CMIP: variants seen among roughly 807,000 people sequenced by gnomAD.
CMIP encodes the protein c-Maf inducing protein, also known as C-Maf-inducing protein.
In CMIP, 13 loss-of-function variants were observed where a neutral mutation model predicts 97.3. The observed-to-expected ratio is 0.13, with a 90% CI of 0.09 to 0.21. The LOEUF is 0.21. Ranked by LOEUF, CMIP falls within the 10% of genes least tolerant of loss-of-function variation. CMIP has a pLI of 1.00. For missense variants in CMIP, 847 were observed against 1,024.9 expected, an observed-to-expected ratio of 0.83 and a Z score of 2.37; for synonymous variants, 538 against 436.3, an observed-to-expected ratio of 1.23 and a Z score of -2.91.
chr16:81,567,800 G>A (rs1043855400), intron 1 of CMIP, among the ~76,000 whole-genome samples: 8 of 152,158 alleles, frequency 5.3e-5, no homozygotes, highest in African/African-American at 1.4e-4. Context: ...TCCCCGAAGC[G>A]CAGAGATTCT....
chr16:81,702,806 A>T (rs1229353998), intron 17 of CMIP, 137 bp downstream of exon 17: 1 of 727,158 alleles, frequency 1.4e-6, no homozygotes, highest in Non-Finnish European at 2.4e-6. Flanking sequence ...AGTACTTAAC[A>T]CGCCAGCTCT....
chr16:81,603,526 A>T (rs2091692565), intron 1 of CMIP: 1 of 445,072 alleles, frequency 2.2e-6, no homozygotes, highest in Non-Finnish European at 4.5e-6. Context: ...GTTTGTCACA[A>T]CTTGTGAACC....
chr16:81,537,546 CAAA>C (rs397695977), intron 1 of CMIP, among the ~76,000 whole-genome samples: 257 of 82,074 alleles, frequency 3.1e-3, no homozygotes, highest in Middle Eastern at 0.011. Flanking sequence ...AAAAAAAAGA[CAAA>C]AAAAAAAAAA....
chr16:81,663,580 A>C (rs2092570795), intron 6 of CMIP, among the ~76,000 whole-genome samples: 1 of 152,216 alleles, frequency 6.6e-6, no homozygotes, highest in South Asian at 2.1e-4. Flanking sequence ...ATTTGTCTAA[A>C]CACCCAGAGC....
intron 1 of CMIP, among the ~76,000 whole-genome samples, chr16:81,451,492 T>G (rs1158037297): frequency 6.6e-6 from 1 of 152,266 alleles, no homozygotes; most frequent in South Asian, 2.1e-4. Context: ...AAAGAAAACA[T>G]TTTCTATTTT....
At chr16:81,678,207 T>C in intron 9 of CMIP, 68 bp from the exon 10 acceptor site, 1 of 1,237,820 alleles carries the variant, frequency 8.1e-7, no homozygotes, top group Non-Finnish European at 1.1e-6. Context: ...AGGCCTTTAG[T>C]CTGATGGGTC....
intron 15 of CMIP, among the ~76,000 whole-genome samples, chr16:81,700,163 A>G (rs1361954080): frequency 6.6e-6 from 1 of 152,168 alleles, no homozygotes; most frequent in African/African-American, 2.4e-5. Context: ...CTGGGGCCTC[A>G]TCAGTCAGAT....
chr16:81,579,236 G>A (rs2091254867), intron 1 of CMIP, among the ~76,000 whole-genome samples: 1 of 152,170 alleles, frequency 6.6e-6, no homozygotes, highest in Non-Finnish European at 1.5e-5. Context: ...AAGGGTGGTG[G>A]CGGTCCTTGC....
intron 9 of CMIP, among the ~76,000 whole-genome samples, chr16:81,677,552 A>G (rs1479975274): frequency 1.3e-5 from 2 of 152,200 alleles, no homozygotes; most frequent in African/African-American, 4.8e-5. Context: ...AACCAGGTCA[A>G]GGCTCTGACA....
At chr16:81,507,771 C>T (rs927694670) in intron 1 of CMIP, among the ~76,000 whole-genome samples, 11 of 152,020 alleles carry the variant, frequency 7.2e-5, no homozygotes, top group East Asian at 3.8e-4. Context: ...TTGGGGTGGC[C>T]GCAGATCACT....
intron 1 of CMIP, among the ~76,000 whole-genome samples, chr16:81,500,027 G>A (rs1351649418): frequency 6.6e-6 from 1 of 152,176 alleles, no homozygotes; most frequent in Non-Finnish European, 1.5e-5. Context: ...CTCTCCTGAT[G>A]CAGAACATAC....
intron 1 of CMIP, among the ~76,000 whole-genome samples, chr16:81,452,595 A>C (rs1412143111): frequency 6.6e-6 from 1 of 152,114 alleles, no homozygotes; most frequent in African/African-American, 2.4e-5. Context: ...AGCGGGTGAT[A>C]GGACTTCCAG....
intron 1 of CMIP, among the ~76,000 whole-genome samples, chr16:81,566,132 G>A (rs932321865): frequency 1.3e-5 from 2 of 152,238 alleles, no homozygotes; most frequent in Admixed American, 6.5e-5. Flanking sequence ...GACAGTCCAG[G>A]GGAGACAGAG....
intron 1 of CMIP, among the ~76,000 whole-genome samples, chr16:81,452,286 C>T (rs1382834921): frequency 6.6e-6 from 1 of 152,084 alleles, no homozygotes; most frequent in Admixed American, 6.5e-5. Flanking sequence ...TGGGCAGGTC[C>T]CCTAGCCTGT....
At chr16:81,661,867 C>T (rs1372790589) in intron 6 of CMIP, among the ~76,000 whole-genome samples, 2 of 152,098 alleles carry the variant, frequency 1.3e-5, no homozygotes, top group Non-Finnish European at 2.9e-5. Flanking sequence ...GATTCCTTTT[C>T]TACCAATCCA....
At chr16:81,465,889 T>C (rs1252096646) in intron 1 of CMIP, among the ~76,000 whole-genome samples, 1 of 152,054 alleles carries the variant, frequency 6.6e-6, no homozygotes, top group East Asian at 1.9e-4. Flanking sequence ...GGCTGTGGGG[T>C]GAACCAAACA....
At chr16:81,600,411 A>G (rs1356936457) in intron 1 of CMIP, among the ~76,000 whole-genome samples, 1 of 152,194 alleles carries the variant, frequency 6.6e-6, no homozygotes, top group Non-Finnish European at 1.5e-5. Flanking sequence ...TCAGTCAGCC[A>G]TGAAAGGAAT....
chr16:81,619,521 C>G (rs1334932067), intron 2 of CMIP: 1 of 152,240 alleles, frequency 6.6e-6, no homozygotes, highest in African/African-American at 2.4e-5. Flanking sequence ...GATGTTCGTG[C>G]TTGGAGAGAG....
chr16:81,506,777 C>T (rs566662988), intron 1 of CMIP, among the ~76,000 whole-genome samples: 2 of 152,058 alleles, frequency 1.3e-5, no homozygotes, highest in Non-Finnish European at 2.9e-5. Context: ...TGGTGGTGTG[C>T]GCCTATAGCC....
Sources: gnomAD v4.1 joint callset for allele counts (sites outside exome capture counted in the v4.1 genomes callset) on GRCh38, gnomAD v4.1.1 for gene constraint, MANE v1.5 for transcripts, NCBI Gene and HGNC (gene_info 2026-07-23, HGNC 2026-07-21) for gene names.